PRRX2: variants seen among roughly 807,000 people sequenced by gnomAD.
PRRX2 encodes paired related homeobox 2, also known as paired mesoderm homeobox protein 2.
PRRX2 carries 11 observed loss-of-function variants against 18.0 expected under a neutral mutation model. The ratio of observed to expected loss-of-function variants is 0.61; its 90% CI spans 0.39 to 1.01. The LOEUF is 1.01. PRRX2 is among the 50% of genes least tolerant of loss of function. The pLI is 0.01. For synonymous variants in PRRX2, 177 were observed against 154.8 expected, an observed-to-expected ratio of 1.14 and a Z score of -1.06; for missense variants, 387 against 351.0, an observed-to-expected ratio of 1.10 and a Z score of -0.82.
At chr9:129,719,763 G>T (rs868196682) in intron 2 of PRRX2, among the ~76,000 whole-genome samples, 1 of 152,196 alleles carries the variant, frequency 6.6e-6, no homozygotes, top group Admixed American at 6.5e-5. Context: ...GAGGTGGGTG[G>T]ATCACTTGAG....
At chr9:129,718,229 G>C (rs1832739949) in intron 1 of PRRX2, among the ~76,000 whole-genome samples, 1 of 152,114 alleles carries the variant, frequency 6.6e-6, no homozygotes. Context: ...GCCCCTGCTG[G>C]GCCTTGGCTG....
intron 1 of PRRX2, among the ~76,000 whole-genome samples, chr9:129,682,844 C>T (rs1377426723): frequency 3.9e-5 from 6 of 152,160 alleles, no homozygotes; most frequent in Non-Finnish European, 8.8e-5. Flanking sequence ...GTGGCTCATG[C>T]CTGTAATCCC....
intron 1 of PRRX2, among the ~76,000 whole-genome samples, chr9:129,681,647 A>T (rs1356714777): frequency 6.6e-6 from 1 of 152,162 alleles, no homozygotes; most frequent in African/African-American, 2.4e-5. Flanking sequence ...ATTTGCCTCC[A>T]TCCGGTGCCC....
At chr9:129,721,644 A>G (rs1038867274) in intron 3 of PRRX2, among the ~76,000 whole-genome samples, 2 of 151,904 alleles carry the variant, frequency 1.3e-5, no homozygotes, top group Non-Finnish European at 2.9e-5. Flanking sequence ...CAGTGGTGCA[A>G]TCTCGGCTCA....
In PRRX2 at chr9:129,682,613, G is replaced by T. The variant is rs1832247543; in HGVS notation, c.259+16487G>T. ...CCAGGGTGAAGCTGGAGGGAGGAGGGCAGGGAGTGTCTCCACCCCCTCTCA... is the reference window on the plus strand; with the variant it reads ...CCAGGGTGAAGCTGGAGGGAGGAGGTCAGGGAGTGTCTCCACCCCCTCTCA... On this transcript the variant is annotated intron_variant, in intron 1 of 3. Coordinates refer to ENST00000372469, the MANE Select transcript of PRRX2 (RefSeq NM_016307.4). 2.0e-5 allele frequency among the ~76,000 whole-genome samples: 3 copies of T among 152,146 alleles called. No individual in the cohort carries two copies. The South Asian group carries it at 6.2e-4, about 32-fold the overall frequency.
intron 1 of PRRX2, among the ~76,000 whole-genome samples, chr9:129,717,509 A>G (rs1378356121): frequency 1.3e-5 from 2 of 152,046 alleles, no homozygotes; most frequent in African/African-American, 4.8e-5. Context: ...CAGCCTGGCC[A>G]ACATGGTGAA....
At chr9:129,718,808 C>A (rs948090210) in intron 1 of PRRX2, among the ~76,000 whole-genome samples, 1 of 152,150 alleles carries the variant, frequency 6.6e-6, no homozygotes, top group African/African-American at 2.4e-5. Flanking sequence ...GGTGTCCATG[C>A]AGAATGTGCC....
chr9:129,672,600 T>TGG (rs141429652), intron 1 of PRRX2, among the ~76,000 whole-genome samples: 2 of 152,040 alleles, frequency 1.3e-5, no homozygotes, highest in African/African-American at 4.8e-5. Context: ...GGCCCGGGGT[T>TGG]GGGGGGTTTC....
chr9:129,674,522 C>T (rs1216722342), intron 1 of PRRX2, among the ~76,000 whole-genome samples: 1 of 152,074 alleles, frequency 6.6e-6, no homozygotes, highest in Non-Finnish European at 1.5e-5. Flanking sequence ...CTGCAAAACT[C>T]GCAGTCTTTG....
chr9:129,666,277 G>C (rs1172698245), intron 1 of PRRX2, 151 bp downstream of exon 1: 6 of 612,428 alleles, frequency 9.8e-6, no homozygotes, highest in Non-Finnish European at 1.2e-5. Context: ...AGTGACGGTG[G>C]ACGGCGGTTG....
Position 129,715,480 on chromosome 9 carries a change from A to G in PRRX2, c.260-3751A>G, listed in dbSNP as rs1307267919. Among the ~76,000 whole-genome samples, 1 of 152,068 alleles carries G rather than the reference A, an allele frequency of 6.6e-6. No homozygotes were observed. Among genetic ancestry groups the G allele is most frequent in the African/African-American group, 2.4e-5 (1 of 41,406 alleles). On this transcript the variant is annotated intron_variant, in intron 1 of 3. Transcript: ENST00000372469. The surrounding 1 kb of genome is among the most constrained non-coding windows in gnomAD (Gnocchi z 4.0). ...GTGGCAGGCACCTGTAGTCCCAGCT[A>G]CTTGGGAGGCTGAGGTGGGGGAATT...
At chr9:129,685,825 G>A (rs954309482) in intron 1 of PRRX2, among the ~76,000 whole-genome samples, 13 of 152,210 alleles carry the variant, frequency 8.5e-5, no homozygotes, top group African/African-American at 3.1e-4. Context: ...CAATGTGCCA[G>A]GCGCCACTGC....
At chr9:129,701,977 T>C (rs1832503829) in intron 1 of PRRX2, among the ~76,000 whole-genome samples, 1 of 152,168 alleles carries the variant, frequency 6.6e-6, no homozygotes, top group Non-Finnish European at 1.5e-5. Flanking sequence ...GCCGGGTGCC[T>C]GTAATGCCAG....
At chr9:129,712,708 A>T (rs7042972) in intron 1 of PRRX2, among the ~76,000 whole-genome samples, 8,806 of 152,108 alleles carry the variant, frequency 0.058, 706 homozygotes, top group African/African-American at 0.18. Context: ...GGCCCCCTAC[A>T]AAAGCAGCTA....
chr9:129,715,090 A>T lies in PRRX2; in HGVS notation c.260-4141A>T, dbSNP rs138732879. On this transcript the variant is annotated intron_variant, in intron 1 of 3. Transcript: ENST00000372469. This position sits in a 1 kb window ranked among gnomAD's most constrained non-coding sequence, Gnocchi z 4.0. ...GAAGAGTGAAGCGGTCCCGGCAATG[A>T]GACCAGCTCCACAGGGCCACCACGT... 3.9e-3 allele frequency among the ~76,000 whole-genome samples: 589 copies of T among 152,288 alleles called. 5 individuals carry two copies. The highest frequency in any genetic ancestry group is 0.013 in the African/African-American group (560 of 41,552).
In PRRX2 at chr9:129,720,669, T is replaced by C; in HGVS notation, c.521T>C (p.Leu174Pro). 6.2e-7 allele frequency: 1 copy of C among 1,613,556 alleles called. No individual in the cohort carries two copies. The highest frequency in any genetic ancestry group is 8.5e-7 in the Non-Finnish European group (1 of 1,179,862). ...RAMLASRSAS[L>P]LKSYSQEAAI... ...ATGCTGGCCAGCCGCTCTGCCTCGC[T>C]GCTCAAGTCCTACAGCCAGGAGGCC... Residue 174 changes from leucine (L) to proline (P), a missense_variant, in exon 3 of 4, where the codon CTG (leucine) becomes CCG (proline). Coordinates refer to ENST00000372469, the MANE Select transcript of PRRX2 (RefSeq NM_016307.4).
chr9:129,696,733 A>G (rs1365317704), intron 1 of PRRX2, among the ~76,000 whole-genome samples: 4 of 152,190 alleles, frequency 2.6e-5, no homozygotes, highest in Non-Finnish European at 5.9e-5. Flanking sequence ...GAGTCCCCAC[A>G]AAGCTTCACT....
At chr9:129,717,133 G>A (rs1294523978) in intron 1 of PRRX2, among the ~76,000 whole-genome samples, 2 of 152,100 alleles carry the variant, frequency 1.3e-5, no homozygotes, top group Admixed American at 6.6e-5. Flanking sequence ...TGCAACCTCA[G>A]CCTCCTGGGT....
chr9:129,682,512 C>T (rs1015184018), intron 1 of PRRX2, among the ~76,000 whole-genome samples: 1 of 152,016 alleles, frequency 6.6e-6, no homozygotes, highest in African/African-American at 2.4e-5. Flanking sequence ...AAAAACTCCA[C>T]TCCTCCGCCC....
Sources: allele counts gnomAD v4.1 joint callset (sites outside exome capture counted in the v4.1 genomes callset), GRCh38; gene constraint gnomAD v4.1.1; non-coding constraint Gnocchi (gnomAD v3.1); transcripts MANE v1.5; gene names NCBI Gene and HGNC (gene_info 2026-07-23, HGNC 2026-07-21).